The following AGMO variants were observed in gnomAD, a reference collection of about 807,000 sequenced individuals.
AGMO encodes glyceryl-ether monooxygenase.
A neutral mutation model predicts 60.2 loss-of-function variants in AGMO; 75 were observed. The ratio of observed to expected loss-of-function variants is 1.25; its 90% CI spans 1.03 to 1.51. The LOEUF (loss-of-function observed/expected upper bound fraction) is 1.51, where lower values mean the gene tolerates loss of function less well. AGMO is among the 40% of genes most tolerant of loss of function. The pLI is 0.00. For synonymous variants in AGMO, 261 were observed against 177.1 expected, an observed-to-expected ratio of 1.47 and a Z score of -3.76; for missense variants, 763 against 525.5, an observed-to-expected ratio of 1.45 and a Z score of -4.42.
chr7:15,161,661 T>C, the AGMO span, among the ~76,000 whole-genome samples: 85 of 151,426 alleles, frequency 5.6e-4, no homozygotes, highest in Middle Eastern at 3.5e-3. Flanking sequence ...ATATAATCCA[T>C]ATATGGATTA....
At chr7:15,411,338 A>G (rs1473942707) in intron 5 of AGMO, among the ~76,000 whole-genome samples, 1 of 151,872 alleles carries the variant, frequency 6.6e-6, no homozygotes, top group Non-Finnish European at 1.5e-5. Context: ...TATTGTTATA[A>G]TCCTCATTAC....
chr7:15,406,340 A>G (rs548639916), intron 5 of AGMO, among the ~76,000 whole-genome samples: 2 of 142,424 alleles, frequency 1.4e-5, no homozygotes, highest in East Asian at 4.0e-4. Flanking sequence ...GAATATACAT[A>G]TATATGTGTA....
intron 3 of AGMO, among the ~76,000 whole-genome samples, chr7:15,530,661 G>A (rs1300820122): frequency 5.4e-5 from 7 of 128,754 alleles, no homozygotes; most frequent in Admixed American, 2.5e-4. Context: ...TTCTATATAC[G>A]TATTTCTATA....
intron 12 of AGMO, among the ~76,000 whole-genome samples, chr7:15,335,115 TA>T (rs1264454181): frequency 4.6e-5 from 7 of 152,176 alleles, no homozygotes; most frequent in Non-Finnish European, 1.0e-4. Flanking sequence ...ACAAATAAAC[TA>T]ATGTAAAGTG....
chr7:15,232,635 T>G (rs1176859809), intron 12 of AGMO, among the ~76,000 whole-genome samples: 1 of 152,166 alleles, frequency 6.6e-6, no homozygotes, highest in Non-Finnish European at 1.5e-5. Flanking sequence ...TTAAAGAATG[T>G]GTGCTACACA....
the AGMO span, among the ~76,000 whole-genome samples, chr7:15,157,151 A>C: frequency 1.6e-4 from 25 of 152,138 alleles, no homozygotes; most frequent in Non-Finnish European, 2.9e-4. Flanking sequence ...TGTGCCTGAC[A>C]GTCTGGCAAA....
intron 12 of AGMO, among the ~76,000 whole-genome samples, chr7:15,339,444 G>A (rs971648616): frequency 7.2e-5 from 11 of 152,250 alleles, no homozygotes; most frequent in Non-Finnish European, 1.5e-4. Context: ...GTGTGATTAT[G>A]CATATAATTA....
At chr7:15,427,007 G>A (rs563375166) in intron 4 of AGMO, among the ~76,000 whole-genome samples, 1 of 152,114 alleles carries the variant, frequency 6.6e-6, no homozygotes, top group Non-Finnish European at 1.5e-5. Flanking sequence ...TATAGGCAGA[G>A]TTAGCTTCAT....
the AGMO span, among the ~76,000 whole-genome samples, chr7:15,135,472 T>C: frequency 0.013 from 1,978 of 152,256 alleles, 30 homozygotes; most frequent in Middle Eastern, 0.075. Flanking sequence ...TATGAGTTTG[T>C]CTTCAATGTT....
chr7:15,190,784 A>G, the AGMO span, among the ~76,000 whole-genome samples: 5 of 152,192 alleles, frequency 3.3e-5, no homozygotes, highest in Admixed American at 6.5e-5. Flanking sequence ...ATTAACTGAT[A>G]CAGGAAAGTC....
intron 12 of AGMO, among the ~76,000 whole-genome samples, chr7:15,294,758 A>T (rs1263714891): frequency 6.6e-6 from 1 of 151,974 alleles, no homozygotes. Flanking sequence ...TCTAAAGTGT[A>T]TCTAGAGATT....
At chr7:15,329,164 C>A (rs1467401101) in intron 12 of AGMO, among the ~76,000 whole-genome samples, 1 of 152,138 alleles carries the variant, frequency 6.6e-6, no homozygotes, top group Non-Finnish European at 1.5e-5. Context: ...TAGAAAACAT[C>A]TTTCTCTACT....
At chr7:15,389,452 G>A (rs932868567) in intron 8 of AGMO, among the ~76,000 whole-genome samples, 1 of 152,138 alleles carries the variant, frequency 6.6e-6, no homozygotes, top group Non-Finnish European at 1.5e-5. Flanking sequence ...CTCCTGAGGT[G>A]TATCATATTC....
At chr7:15,416,027 CTTTTTTTT>C (rs759040945) in intron 5 of AGMO, among the ~76,000 whole-genome samples, 2 of 130,910 alleles carry the variant, frequency 1.5e-5, no homozygotes, top group Middle Eastern at 8.3e-3. Flanking sequence ...TTCTTTTTTT[CTTTTTTTT>C]TTTTTTTTTG....
At chr7:15,303,902 C>T (rs1273024892) in intron 12 of AGMO, among the ~76,000 whole-genome samples, 1 of 152,094 alleles carries the variant, frequency 6.6e-6, no homozygotes, top group African/African-American at 2.4e-5. Flanking sequence ...CTGATAATCT[C>T]TTAAACTTTT....
At chr7:15,510,883 CATATAAT>C (rs562696755) in intron 3 of AGMO, among the ~76,000 whole-genome samples, 58 of 147,496 alleles carry the variant, frequency 3.9e-4, no homozygotes, top group Middle Eastern at 3.6e-3. Context: ...ATAAATATAA[CATATAAT>C]ATATGTTTAT....
chr7:15,528,918 G>A (rs962426434), intron 3 of AGMO, among the ~76,000 whole-genome samples: 4 of 152,094 alleles, frequency 2.6e-5, no homozygotes, highest in Admixed American at 2.6e-4. Context: ...AAAGCACTGG[G>A]ATTAGAGGCA....
chr7:15,536,395 GCAT>G (rs1403957557), intron 3 of AGMO, among the ~76,000 whole-genome samples: 1 of 151,802 alleles, frequency 6.6e-6, no homozygotes, highest in Non-Finnish European at 1.5e-5. Context: ...ACTTTTACCA[GCAT>G]CATCATTTCA....
chr7:15,387,904 CTTTTTTT>C (rs11437914), intron 8 of AGMO, among the ~76,000 whole-genome samples: 2 of 137,636 alleles, frequency 1.5e-5, no homozygotes. Context: ...GACACATTCT[CTTTTTTT>C]TTTTTTTTTT....
Sources: allele counts gnomAD v4.1 joint callset (sites outside exome capture counted in the v4.1 genomes callset), GRCh38; gene constraint gnomAD v4.1.1; transcripts MANE v1.5; gene names NCBI Gene and HGNC (gene_info 2026-07-23, HGNC 2026-07-21).